The following GALNTL6 variants were observed in gnomAD, a reference collection of about 807,000 sequenced individuals.
GALNTL6 encodes polypeptide N-acetylgalactosaminyltransferase-like 6.
GALNTL6 carries 46 observed loss-of-function variants against 73.7 expected under a neutral mutation model. The observed-to-expected ratio is 0.62, with a 90% CI of 0.49 to 0.80. The LOEUF is 0.80. Ranked by LOEUF, GALNTL6 falls within the 30% of genes least tolerant of loss-of-function variation. The pLI is 0.00. For synonymous variants in GALNTL6, 259 were observed against 263.7 expected, an observed-to-expected ratio of 0.98 and a Z score of 0.17; for missense variants, 604 against 755.0, an observed-to-expected ratio of 0.80 and a Z score of 2.34.
intron 2 of GALNTL6, among the ~76,000 whole-genome samples, chr4:171,927,174 A>G (rs942838086): frequency 1.3e-5 from 2 of 152,162 alleles, no homozygotes; most frequent in Non-Finnish European, 2.9e-5. Flanking sequence ...CTGTTCCATT[A>G]AGAAAATTCC....
At chr4:172,754,952 C>G (rs1737658344) in intron 5 of GALNTL6, among the ~76,000 whole-genome samples, 1 of 152,068 alleles carries the variant, frequency 6.6e-6, no homozygotes, top group East Asian at 1.9e-4. Flanking sequence ...GCTCCTCAGT[C>G]CAACTCTTGT....
intron 5 of GALNTL6, among the ~76,000 whole-genome samples, chr4:172,550,375 T>C (rs984640460): frequency 2.6e-5 from 4 of 152,154 alleles, no homozygotes; most frequent in Non-Finnish European, 2.9e-5. Context: ...TAGTGCATCA[T>C]TGTTATTTAA....
chr4:172,572,729 C>A (rs190581239), intron 5 of GALNTL6, among the ~76,000 whole-genome samples: 1 of 151,916 alleles, frequency 6.6e-6, no homozygotes, highest in African/African-American at 2.4e-5. Flanking sequence ...TTCATTTTTC[C>A]GAATGTTCCA....
At chr4:172,850,041 T>G (rs947664565) in intron 7 of GALNTL6, among the ~76,000 whole-genome samples, 3 of 152,188 alleles carry the variant, frequency 2.0e-5, no homozygotes, top group African/African-American at 7.2e-5. Context: ...TTAATCTTAC[T>G]TGATCTGGCA....
chr4:172,814,178 G>T (rs954584421), intron 7 of GALNTL6, among the ~76,000 whole-genome samples: 1 of 152,126 alleles, frequency 6.6e-6, no homozygotes, highest in Admixed American at 6.6e-5. Flanking sequence ...ACCTATAACG[G>T]AAGCGTGCTC....
chr4:173,033,977 T>A (rs887525403), intron 12 of GALNTL6, among the ~76,000 whole-genome samples: 2 of 152,168 alleles, frequency 1.3e-5, no homozygotes, highest in Non-Finnish European at 2.9e-5. Flanking sequence ...CTCGTAAGCA[T>A]CTCCAACTCG....
At chr4:172,875,732 AACACACACACACAC>A (rs59079970) in intron 7 of GALNTL6, among the ~76,000 whole-genome samples, 4 of 145,824 alleles carry the variant, frequency 2.7e-5, no homozygotes, top group East Asian at 2.0e-4. Context: ...CTCATACATA[AACACACACACACAC>A]ACACACACAC....
chr4:172,881,909 C>T (rs538518089), intron 7 of GALNTL6, among the ~76,000 whole-genome samples: 3 of 152,012 alleles, frequency 2.0e-5, no homozygotes, highest in Admixed American at 6.6e-5. Context: ...ACCTCTTCTG[C>T]GTGATTCCTC....
chr4:173,013,585 A>G (rs967991527), intron 11 of GALNTL6, among the ~76,000 whole-genome samples: 1 of 23,536 alleles, frequency 4.2e-5, no homozygotes, highest in Non-Finnish European at 8.2e-5. Context: ...TCCCACCCCC[A>G]GGCTAAAATG....
At chr4:171,981,008 T>C (rs1298035637) in intron 2 of GALNTL6, among the ~76,000 whole-genome samples, 2 of 152,164 alleles carry the variant, frequency 1.3e-5, no homozygotes, top group African/African-American at 2.4e-5. Context: ...TGCCTTAAAA[T>C]TGTGAGCTGA....
At chr4:172,503,740 A>T (rs956931146) in intron 5 of GALNTL6, among the ~76,000 whole-genome samples, 2 of 152,036 alleles carry the variant, frequency 1.3e-5, no homozygotes, top group Non-Finnish European at 2.9e-5. Context: ...AAAAAGTAAT[A>T]TTCTAAACAG....
chr4:172,891,858 T>G (rs1167983012), intron 8 of GALNTL6, among the ~76,000 whole-genome samples: 1 of 152,230 alleles, frequency 6.6e-6, no homozygotes, highest in Non-Finnish European at 1.5e-5. Flanking sequence ...TATTTTTGTC[T>G]GACTGGGTCT....
intron 7 of GALNTL6, 96 bp from the exon 8 acceptor site, chr4:172,882,694 A>G (rs1384817373): frequency 1.2e-6 from 1 of 829,262 alleles, no homozygotes; most frequent in Non-Finnish European, 2.1e-6. Flanking sequence ...ACAGCTGACC[A>G]CTAAAACATA....
chr4:172,011,855 C>G (rs1418575916), intron 2 of GALNTL6, among the ~76,000 whole-genome samples: 2 of 151,810 alleles, frequency 1.3e-5, no homozygotes, highest in Non-Finnish European at 2.9e-5. Flanking sequence ...GAGAAAGTAT[C>G]AAGAATAGAG....
rs181536367 is a variant in GALNTL6, at chr4:172,482,045, A to G, written c.553+133356A>G. Among the ~76,000 whole-genome samples, 18 of 152,310 alleles carry G rather than the reference A, an allele frequency of 1.2e-4. No homozygotes were observed. In the East Asian group the frequency reaches 3.5e-3, roughly 30 times the overall value. ...GGGAGGCAGCTGAGGCCAGGTGAGA[A>G]TTCGAGCGCAGCGCAGGTGGCCCAG... On this transcript the variant is annotated intron_variant, in intron 5 of 12. Coordinates refer to ENST00000506823, the MANE Select transcript of GALNTL6 (RefSeq NM_001034845.3).
intron 2 of GALNTL6, among the ~76,000 whole-genome samples, chr4:172,171,933 A>G (rs912084603): frequency 1.3e-5 from 2 of 152,208 alleles, no homozygotes; most frequent in South Asian, 4.1e-4. Flanking sequence ...CCAGCTCAGA[A>G]GCAACACTCC....
rs1408242497 is a variant in GALNTL6 at position 172,229,699 on chromosome 4, C to A, written c.182C>A (p.Thr61Lys). Reference protein sequence around the residue: ...GLGDGQFYSWTDGLRRKDWHD... With the variant: ...GLGDGQFYSWKDGLRRKDWHD... ...GGAGATGGGCAATTCTATTCATGGA[C>A]AGATGGTTTGAGAAGAAAGGACTGG... Residue 61 changes from threonine (T) to lysine (K), a missense_variant, in exon 3 of 13, where the codon ACA (threonine) becomes AAA (lysine). By Grantham distance (78) the Thr-to-Lys change is moderately conservative (BLOSUM62 -1). Coordinates refer to ENST00000506823, the MANE Select transcript of GALNTL6 (RefSeq NM_001034845.3). 1 of 1,613,820 alleles carries A rather than the reference C, an allele frequency of 6.2e-7. No individual in the cohort carries two copies. The highest frequency in any genetic ancestry group is 1.7e-5 in the Admixed American group (1 of 60,016).
chr4:172,083,559 C>T (rs1344205067), intron 2 of GALNTL6, among the ~76,000 whole-genome samples: 4 of 152,134 alleles, frequency 2.6e-5, no homozygotes, highest in Non-Finnish European at 5.9e-5. Context: ...TAGATATTTC[C>T]GTAGCTCCCA....
intron 2 of GALNTL6, among the ~76,000 whole-genome samples, chr4:172,141,371 AC>A (rs1189792449): frequency 6.6e-6 from 1 of 152,070 alleles, no homozygotes; most frequent in East Asian, 1.9e-4. Context: ...TACAGAAATA[AC>A]ATTTACAATA....
Sources: allele counts gnomAD v4.1 joint callset (sites outside exome capture counted in the v4.1 genomes callset), GRCh38; gene constraint gnomAD v4.1.1; transcripts MANE v1.5; gene names NCBI Gene and HGNC (gene_info 2026-07-23, HGNC 2026-07-21).